The following PTPRN2 variants were observed in gnomAD, a reference collection of about 807,000 sequenced individuals.
PTPRN2 encodes the protein receptor-type tyrosine-protein phosphatase N2.
PTPRN2 carries 74 observed loss-of-function variants against 118.8 expected under a neutral mutation model. The ratio of observed to expected loss-of-function variants is 0.62; its 90% confidence interval spans 0.52 to 0.76. PTPRN2 has a LOEUF of 0.76. Among genes scored for constraint, PTPRN2 ranks in the 30% least tolerant of loss-of-function variants. PTPRN2 has a pLI of 0.00. For synonymous variants in PTPRN2, 641 were observed against 608.0 expected (o/e 1.05, Z -0.80); for missense variants, 1,481 against 1,394.4 (o/e 1.06, Z -0.99).
chr7:157,790,261 T>C (rs1451847795), intron 12 of PTPRN2, among the ~76,000 whole-genome samples: 1 of 146,160 alleles, frequency 6.8e-6, no homozygotes, highest in Non-Finnish European at 1.5e-5. Flanking sequence ...GGGGTGTGTG[T>C]GTGGTGTTTG....
At chr7:158,483,760 C>G (rs976996915) in intron 2 of PTPRN2, among the ~76,000 whole-genome samples, 2 of 152,200 alleles carry the variant, frequency 1.3e-5, no homozygotes, top group African/African-American at 4.8e-5. Context: ...CCTTGCCTAA[C>G]TGTATCCTCA....
At chr7:157,544,434 C>T (rs1457615954) in intron 22 of PTPRN2, among the ~76,000 whole-genome samples, 2 of 152,164 alleles carry the variant, frequency 1.3e-5, no homozygotes, top group Admixed American at 1.3e-4. Context: ...GGACAAGGGG[C>T]TGGTGCAGAA....
At chr7:157,982,543 T>G (rs113149446) in intron 11 of PTPRN2, among the ~76,000 whole-genome samples, 1 of 110,804 alleles carries the variant, frequency 9.0e-6, no homozygotes, top group Admixed American at 9.8e-5. Flanking sequence ...AGGAGGGGAA[T>G]GCAGAGTGCA....
chr7:157,684,740 C>A (rs1287990968), intron 12 of PTPRN2, among the ~76,000 whole-genome samples: 2 of 152,024 alleles, frequency 1.3e-5, no homozygotes, highest in East Asian at 1.9e-4. Flanking sequence ...GGGCACAGCC[C>A]GTTCACGAAA....
In PTPRN2 at chr7:157,905,897, G is replaced by A. The variant is rs571867602; in HGVS notation, c.1724-7160C>T. Among the ~76,000 whole-genome samples the A allele has an allele frequency of 4.6e-5, 7 of 152,258 alleles. No individual in the cohort carries two copies. In the East Asian group the frequency reaches 1.4e-3, roughly 29 times the overall value. On this transcript the variant is annotated intron_variant, in intron 11 of 22. Transcript: ENST00000389418. ...GAAGGATCCTCCTCCCTTATGGGGT[G>A]GAGCCTGGTTTCTGGCCGAGCTGAA...
chr7:158,007,181 GAC>G (rs1241496565), intron 11 of PTPRN2, among the ~76,000 whole-genome samples: 1 of 152,188 alleles, frequency 6.6e-6, no homozygotes, highest in African/African-American at 2.4e-5. Flanking sequence ...CCTCCTGAAA[GAC>G]ACTTTCTCCA....
chr7:157,834,915 C>G (rs1207840552), intron 12 of PTPRN2, among the ~76,000 whole-genome samples: 1 of 152,216 alleles, frequency 6.6e-6, no homozygotes, highest in Non-Finnish European at 1.5e-5. Context: ...TGAACATTGA[C>G]CTGTCCGCCT....
intron 2 of PTPRN2, among the ~76,000 whole-genome samples, chr7:158,488,745 T>A (rs1586785915): frequency 1.3e-5 from 2 of 152,370 alleles, no homozygotes; most frequent in East Asian, 3.9e-4. Flanking sequence ...GGCCCCGCCA[T>A]CCTCGCTAGG....
chr7:157,578,742 C>A (rs755678102), intron 17 of PTPRN2, among the ~76,000 whole-genome samples: 7 of 152,226 alleles, frequency 4.6e-5, no homozygotes, highest in Non-Finnish European at 8.8e-5. Flanking sequence ...CACATTTAAA[C>A]CCACAGAAAT....
intron 2 of PTPRN2, among the ~76,000 whole-genome samples, chr7:158,479,575 A>T (rs1820514787): frequency 6.6e-6 from 1 of 152,246 alleles, no homozygotes; most frequent in African/African-American, 2.4e-5. Flanking sequence ...GAACTGGCAA[A>T]AAATAGAATA....
intron 12 of PTPRN2, among the ~76,000 whole-genome samples, chr7:157,790,630 T>C (rs1274641870): frequency 2.6e-5 from 4 of 151,728 alleles, no homozygotes; most frequent in East Asian, 3.9e-4. Context: ...TGAAGTGAGA[T>C]TCCAATATTA....
intron 1 of PTPRN2, among the ~76,000 whole-genome samples, chr7:158,562,614 A>C (rs935633659): frequency 6.6e-6 from 1 of 152,226 alleles, no homozygotes; most frequent in African/African-American, 2.4e-5. Flanking sequence ...TGTTATGTTA[A>C]AGTTTCCTAT....
At chr7:158,055,968 G>A (rs1240185995) in intron 11 of PTPRN2, among the ~76,000 whole-genome samples, 1 of 152,206 alleles carries the variant, frequency 6.6e-6, no homozygotes, top group Non-Finnish European at 1.5e-5. Context: ...TACACAGAGC[G>A]ACACTTCTAA....
intron 11 of PTPRN2, among the ~76,000 whole-genome samples, chr7:158,054,141 G>A (rs148403924): frequency 2.4e-4 from 36 of 152,304 alleles, no homozygotes; most frequent in African/African-American, 6.0e-4. Flanking sequence ...GAGAGCATGG[G>A]GGCCCTAGAG....
chr7:157,550,817 G>A lies in PTPRN2; in HGVS notation c.2903-1798C>T, dbSNP rs1798564150. Reference sequence around the variant, plus strand: ...GGCAGCTCACGCGGGTGGAAGGCGGGGTCAGGTGCACGGGTTTGCTTAATT... The same window carrying A: ...GGCAGCTCACGCGGGTGGAAGGCGGAGTCAGGTGCACGGGTTTGCTTAATT... On this transcript the variant is annotated intron_variant, in intron 21 of 22. Coordinates refer to ENST00000389418, the MANE Select transcript of PTPRN2 (RefSeq NM_002847.5). This position sits in a 1 kb window ranked among gnomAD's most constrained non-coding sequence, Gnocchi z 5.2. Among the ~76,000 whole-genome samples, 2 of 152,198 alleles carry A rather than the reference G, an allele frequency of 1.3e-5. No homozygotes were observed. Among genetic ancestry groups the A allele is most frequent in the Admixed American group, 6.5e-5 (1 of 15,284 alleles).
chr7:158,059,318 A>C (rs879137002), intron 11 of PTPRN2, among the ~76,000 whole-genome samples: 10 of 124,792 alleles, frequency 8.0e-5, no homozygotes, highest in African/African-American at 2.6e-4. Context: ...CTCCATCTGC[A>C]CACAGTGACG....
At chr7:157,612,146 T>C (rs1164666621) in intron 15 of PTPRN2, among the ~76,000 whole-genome samples, 1 of 152,204 alleles carries the variant, frequency 6.6e-6, no homozygotes, top group Non-Finnish European at 1.5e-5. Flanking sequence ...ACCTGGTGCC[T>C]GCACGGAGAA....
At chr7:158,026,516 T>C (rs1239676101) in intron 11 of PTPRN2, among the ~76,000 whole-genome samples, 1 of 152,216 alleles carries the variant, frequency 6.6e-6, no homozygotes, top group Non-Finnish European at 1.5e-5. Context: ...AATTATTCTT[T>C]TTACTCAAAT....
intron 2 of PTPRN2, among the ~76,000 whole-genome samples, chr7:158,362,906 G>A (rs993303448): frequency 6.6e-6 from 1 of 152,180 alleles, no homozygotes; most frequent in Non-Finnish European, 1.5e-5. Flanking sequence ...GGGACCTTGA[G>A]TCAGAATTAA....
Sources: allele counts gnomAD v4.1 joint callset (sites outside exome capture counted in the v4.1 genomes callset), GRCh38; gene constraint gnomAD v4.1.1; non-coding constraint Gnocchi (gnomAD v3.1); transcripts MANE v1.5; gene names NCBI Gene and HGNC (gene_info 2026-07-23, HGNC 2026-07-21).